The following GFRAL variants were observed in gnomAD, a reference collection of about 807,000 sequenced individuals.
GFRAL encodes GDNF family receptor alpha-like.
Under a neutral mutation model 45.4 loss-of-function variants are expected in GFRAL, and 36 were observed. The observed-to-expected ratio is 0.79, with a 90% confidence interval of 0.61 to 1.05. The LOEUF (loss-of-function observed/expected upper bound fraction) is 1.05, where lower values mean the gene tolerates loss of function less well. Among genes scored for constraint, GFRAL ranks in the 50% least tolerant of loss-of-function variants. The probability of loss-of-function intolerance (pLI) is 0.00; values close to 1 mark genes in which losing one functional copy is unlikely to be tolerated. For synonymous variants in GFRAL, 166 were observed against 154.1 expected, an observed-to-expected ratio of 1.08 and a Z score of -0.57; for missense variants, 507 against 467.5, an observed-to-expected ratio of 1.08 and a Z score of -0.78.
Position 55,359,263 on chromosome 6 carries a change from A to T in GFRAL, c.952+125A>T. ...CAGCACAGACATTTTTGTGTTTGGT[A>T]TTGCATTTGAAAATTTGCTTTCTGA... On this transcript the variant is annotated intron_variant, in intron 6 of 8. Transcript: ENST00000340465. The T allele has an allele frequency of 6.8e-6, 5 of 731,098 alleles. No homozygotes were observed. The Admixed American group carries it at 9.4e-5, about 14-fold the overall frequency. The allele number at this position is 731,098 out of a possible 1,614,324, so 45.3% of individuals were successfully genotyped here.
chr6:55,357,111 T>A (rs952020694), intron 5 of GFRAL, among the ~76,000 whole-genome samples: 11 of 151,942 alleles, frequency 7.2e-5, no homozygotes, highest in Non-Finnish European at 1.2e-4. Flanking sequence ...TTAGCTAACA[T>A]ATGGGTTACC....
intron 6 of GFRAL, among the ~76,000 whole-genome samples, chr6:55,380,365 G>C (rs188969012): frequency 6.6e-5 from 10 of 151,986 alleles, no homozygotes; most frequent in African/African-American, 2.4e-4. Flanking sequence ...AACTATTGAG[G>C]AGTATTACTG....
chr6:55,373,489 G>T (rs1768480943), intron 6 of GFRAL, among the ~76,000 whole-genome samples: 1 of 152,040 alleles, frequency 6.6e-6, no homozygotes, highest in African/African-American at 2.4e-5. Flanking sequence ...TCATGTACTT[G>T]CTTTTTATCA....
At chr6:55,345,910 C>T (rs1216779103) in intron 3 of GFRAL, among the ~76,000 whole-genome samples, 3 of 152,160 alleles carry the variant, frequency 2.0e-5, no homozygotes, top group South Asian at 2.1e-4. Flanking sequence ...CAAAAGAAGA[C>T]ATTTATGCAG....
intron 6 of GFRAL, among the ~76,000 whole-genome samples, chr6:55,372,681 TCCA>T (rs1403668294): frequency 6.6e-6 from 1 of 152,150 alleles, no homozygotes; most frequent in Non-Finnish European, 1.5e-5. Flanking sequence ...ACACTCATGG[TCCA>T]CTGGCCCCAA....
At chr6:55,380,531 T>C (rs1472390890) in intron 6 of GFRAL, among the ~76,000 whole-genome samples, 1 of 151,866 alleles carries the variant, frequency 6.6e-6, no homozygotes, top group Non-Finnish European at 1.5e-5. Flanking sequence ...ATCCAGGTGG[T>C]TTTGATTTTC....
At chr6:55,367,817 A>G (rs1768386494) in intron 6 of GFRAL, among the ~76,000 whole-genome samples, 1 of 152,120 alleles carries the variant, frequency 6.6e-6, no homozygotes, top group Non-Finnish European at 1.5e-5. Flanking sequence ...ATCCGCTCTT[A>G]GTCTGATGGC....
chr6:55,353,054 T>G (rs547122389), intron 5 of GFRAL, among the ~76,000 whole-genome samples: 4 of 152,002 alleles, frequency 2.6e-5, no homozygotes, highest in Non-Finnish European at 5.9e-5. Flanking sequence ...AAAACATGTA[T>G]GTGGCATTTT....
intron 3 of GFRAL, among the ~76,000 whole-genome samples, chr6:55,343,243 C>T (rs558837929): frequency 1.3e-5 from 2 of 152,288 alleles, no homozygotes; most frequent in South Asian, 4.1e-4. Flanking sequence ...AGCACCATAT[C>T]ACACTTATTC....
At position 55,333,933 on chromosome 6, in the gene GFRAL, T is replaced by G; in HGVS notation, c.305T>G (p.Ile102Ser). The G allele has an allele frequency of 6.5e-7, 1 of 1,529,558 alleles. No homozygotes were observed. The highest frequency in any genetic ancestry group is 8.8e-7 in the Non-Finnish European group (1 of 1,134,428). 94.7% of individuals were successfully genotyped at this position (1,529,558 alleles called of 1,614,324 possible). A position where few individuals can be genotyped will look rare whatever the true frequency, so the allele number is the denominator to read the frequency against. The part of the protein sequence containing the change: ...TVNKLLGKKC[I>S]NKSDNVKEDK... ...AACAAACTGCTTGGAAAAAAATGTA[T>G]CAATAAATCAGGTAATATTTTGTTT... The change falls in exon 3 of 9, where the codon ATC becomes AGC. Residue 102 changes from isoleucine (I) to serine (S), a missense_variant. Transcript: ENST00000340465.
chr6:55,359,642 G>A (rs550226004), intron 6 of GFRAL, among the ~76,000 whole-genome samples: 1 of 152,066 alleles, frequency 6.6e-6, no homozygotes, highest in South Asian at 2.1e-4. Context: ...TTGGTCCAAG[G>A]TGGTATTAGC....
intron 6 of GFRAL, among the ~76,000 whole-genome samples, chr6:55,362,904 G>A (rs1237275574): frequency 6.7e-6 from 1 of 150,224 alleles, no homozygotes; most frequent in African/African-American, 2.4e-5. Context: ...AGAGGGAAGA[G>A]AAAACAGGAA....
intron 3 of GFRAL, among the ~76,000 whole-genome samples, chr6:55,340,869 A>C (rs190241115): frequency 1.3e-3 from 191 of 152,306 alleles, no homozygotes; most frequent in Non-Finnish European, 2.3e-3. Context: ...GCACACCAGG[A>C]GATTATATCC....
chr6:55,370,485 A>T (rs1274647555), intron 6 of GFRAL, among the ~76,000 whole-genome samples: 3 of 152,200 alleles, frequency 2.0e-5, no homozygotes, highest in Non-Finnish European at 4.4e-5. Flanking sequence ...TCTATTGCAA[A>T]TACATCTATT....
At chr6:55,351,071 A>G (rs530868084) in intron 4 of GFRAL, among the ~76,000 whole-genome samples, 182 bp from the exon 5 acceptor site, 5 of 152,248 alleles carry the variant, frequency 3.3e-5, no homozygotes, top group East Asian at 1.9e-4. Flanking sequence ...GATGATTCCA[A>G]TAAGTCTACG....
intron 6 of GFRAL, among the ~76,000 whole-genome samples, chr6:55,383,080 T>C (rs1006156977): frequency 2.0e-5 from 3 of 151,946 alleles, no homozygotes; most frequent in Non-Finnish European, 4.4e-5. Context: ...GGGTAGATAA[T>C]CAACTGGGGC....
At chr6:55,392,485 G>T (rs1370133297) in intron 6 of GFRAL, among the ~76,000 whole-genome samples, 3 of 152,146 alleles carry the variant, frequency 2.0e-5, no homozygotes, top group Admixed American at 2.0e-4. Flanking sequence ...TGCTGTAATG[G>T]GTCTCCTGAA....
intron 3 of GFRAL, among the ~76,000 whole-genome samples, chr6:55,349,613 A>G (rs577515045): frequency 3.7e-4 from 57 of 152,208 alleles, no homozygotes; most frequent in African/African-American, 1.3e-3. Flanking sequence ...TTTCAATACT[A>G]TAATTATAAT....
chr6:55,359,091 C>T lies in GFRAL; in HGVS notation c.905C>T (p.Ser302Phe), dbSNP rs752953582. ...AGGACCATTACACAAAGTGAGGAATCTTTGTGTAAGATTTTCCAGCACATG... is the reference window on the plus strand; with the variant it reads ...AGGACCATTACACAAAGTGAGGAATTTTTGTGTAAGATTTTCCAGCACATG... ...TCRTITQSEE[S>F]LCKIFQHMLH... The change falls in exon 6 of 9, where the codon TCT becomes TTT. Residue 302 changes from serine to phenylalanine, a missense_variant. Coordinates refer to ENST00000340465, the MANE Select transcript of GFRAL (RefSeq NM_207410.2). The T allele has an allele frequency of 6.2e-7, 1 of 1,612,630 alleles. No individual in the cohort carries two copies.
Sources: gnomAD v4.1 joint callset for allele counts (sites outside exome capture counted in the v4.1 genomes callset) on GRCh38, gnomAD v4.1.1 for gene constraint, MANE v1.5 for transcripts, NCBI Gene and HGNC (gene_info 2026-07-23, HGNC 2026-07-21) for gene names.